NAALADL2: variants seen among roughly 807,000 people sequenced by gnomAD.
The protein encoded by NAALADL2 is inactive N-acetylated-alpha-linked acidic dipeptidase-like protein 2.
In NAALADL2, 76 loss-of-function variants were observed where a neutral mutation model predicts 87.2. The observed-to-expected ratio is 0.87, with a 90% CI of 0.72 to 1.05. NAALADL2 has a LOEUF of 1.05. Ranked by LOEUF, NAALADL2 falls within the 50% of genes least tolerant of loss-of-function variation. The pLI, the probability that NAALADL2 is intolerant of heterozygous loss-of-function variation, is 0.00. For synonymous variants in NAALADL2, 354 were observed against 331.0 expected, an observed-to-expected ratio of 1.07 and a Z score of -0.75; for missense variants, 1,089 against 945.8, an observed-to-expected ratio of 1.15 and a Z score of -1.99.
At chr3:175,462,185 A>C (rs1421872916) in intron 6 of NAALADL2, among the ~76,000 whole-genome samples, 2 of 152,116 alleles carry the variant, frequency 1.3e-5, no homozygotes, top group Non-Finnish European at 2.9e-5. Flanking sequence ...TGGGAGACAG[A>C]GGGTATTGGG....
At chr3:175,650,893 C>G (rs1730673842) in intron 11 of NAALADL2, among the ~76,000 whole-genome samples, 2 of 152,172 alleles carry the variant, frequency 1.3e-5, no homozygotes, top group Non-Finnish European at 2.9e-5. Flanking sequence ...TTGCACTCAG[C>G]AAATCTTGGA....
rs148938043 is a variant in NAALADL2 at position 174,650,430 on chromosome 3, A to G, written c.-114-87211A>G. ...CAACTAGTATGTTAAGATGTTATTG[A>G]AGGTAGTTTAACCCAGTATTTCCCT... On this transcript the variant is annotated intron_variant, in intron 2 of 3. Coordinates refer to the NAALADL2 transcript ENST00000434257. 2.4e-3 allele frequency among the ~76,000 whole-genome samples: 372 copies of G among 152,238 alleles called. 1 individual carries two copies. The highest frequency in any genetic ancestry group is 8.5e-3 in the African/African-American group (355 of 41,574).
In NAALADL2 at chr3:175,011,272, C is replaced by CAGAGAG. The variant is rs1408169414; in HGVS notation, c.44-85516_44-85511dup. 2.3e-3 allele frequency among the ~76,000 whole-genome samples: 258 copies of CAGAGAG among 110,336 alleles called. 3 individuals are homozygous for CAGAGAG. The highest frequency in any genetic ancestry group is 7.6e-3 in the African/African-American group (243 of 32,034). 72.4% of individuals were successfully genotyped at this position (110,336 alleles called of 152,430 possible). ...AGAGACAGAGAGAGAGGGAGAGAGACAGAGAGACAGAGAGAGAGAGAGAGA... is the reference window on the plus strand; with the variant it reads ...AGAGACAGAGAGAGAGGGAGAGAGACAGAGAGAGAGAGACAGAGAGAGAGAGAGAGA... On this transcript the variant is annotated intron_variant, in intron 1 of 13. Transcript: ENST00000454872.
intron 5 of NAALADL2, among the ~76,000 whole-genome samples, chr3:175,442,695 C>T (rs553996008): frequency 1.9e-4 from 29 of 152,258 alleles, no homozygotes; most frequent in Middle Eastern, 3.4e-3. Flanking sequence ...GAATTATTGA[C>T]GTAATGGGTC....
chr3:174,668,501 A>C (rs1322464771), intron 2 of NAALADL2, among the ~76,000 whole-genome samples: 1 of 152,120 alleles, frequency 6.6e-6, no homozygotes, highest in Non-Finnish European at 1.5e-5. Flanking sequence ...TACATGTGCC[A>C]TGTTGGTGTG....
chr3:174,827,017 G>C (rs892814853), intron 3 of NAALADL2, among the ~76,000 whole-genome samples: 2 of 152,124 alleles, frequency 1.3e-5, no homozygotes, highest in African/African-American at 4.8e-5. Flanking sequence ...TTCATGATAT[G>C]TTCATAGCCT....
chr3:174,835,033 T>G (rs1160884984), intron 3 of NAALADL2, among the ~76,000 whole-genome samples: 1 of 151,576 alleles, frequency 6.6e-6, no homozygotes. Context: ...AACTTACACT[T>G]TCTAATTTTA....
At chr3:175,163,679 T>C (rs551577747) in intron 2 of NAALADL2, among the ~76,000 whole-genome samples, 9 of 152,286 alleles carry the variant, frequency 5.9e-5, no homozygotes, top group African/African-American at 2.2e-4. Flanking sequence ...TAATATTTTT[T>C]CACTTCCTAT....
intron 2 of NAALADL2, among the ~76,000 whole-genome samples, chr3:175,213,904 A>C (rs1742124545): frequency 6.6e-6 from 1 of 152,052 alleles, no homozygotes; most frequent in African/African-American, 2.4e-5. Flanking sequence ...GGGATATCCC[A>C]TTTATTTACA....
chr3:175,264,491 C>T (rs1197379238), intron 4 of NAALADL2, among the ~76,000 whole-genome samples: 4 of 151,718 alleles, frequency 2.6e-5, no homozygotes, highest in African/African-American at 9.7e-5. Flanking sequence ...AAATCCATTA[C>T]AGACAAAGTA....
At chr3:174,898,397 AAATT>A (rs1333774380) in intron 1 of NAALADL2, among the ~76,000 whole-genome samples, 98 of 151,618 alleles carry the variant, frequency 6.5e-4, no homozygotes, top group African/African-American at 2.3e-3. Flanking sequence ...AATAATAAAT[AAATT>A]AATAATAAAT....
intron 1 of NAALADL2, among the ~76,000 whole-genome samples, chr3:175,041,641 T>C (rs932736863): frequency 2.0e-5 from 3 of 152,158 alleles, no homozygotes; most frequent in East Asian, 1.9e-4. Flanking sequence ...ACAATGACAC[T>C]GTAGCTTTGG....
At chr3:174,495,331 C>T (rs1274281057) in intron 1 of NAALADL2, among the ~76,000 whole-genome samples, 1 of 151,454 alleles carries the variant, frequency 6.6e-6, no homozygotes, top group Non-Finnish European at 1.5e-5. Context: ...ACAATTCTTC[C>T]TCATTTGGGA....
intron 2 of NAALADL2, among the ~76,000 whole-genome samples, chr3:174,553,244 TTA>T (rs1295069569): frequency 2.0e-5 from 3 of 152,178 alleles, no homozygotes; most frequent in Non-Finnish European, 4.4e-5. Flanking sequence ...ATGGCAAATG[TTA>T]TAATAATTAG....
chr3:175,287,225 A>G (rs1286964952), intron 4 of NAALADL2, among the ~76,000 whole-genome samples: 3 of 152,206 alleles, frequency 2.0e-5, no homozygotes, highest in Non-Finnish European at 2.9e-5. Flanking sequence ...AATTAATTCA[A>G]AGAAGCTTAA....
intron 5 of NAALADL2, among the ~76,000 whole-genome samples, chr3:175,417,117 G>A (rs199752904): frequency 5.3e-3 from 657 of 124,850 alleles, no homozygotes; most frequent in Non-Finnish European, 5.9e-3. Flanking sequence ...GAAGAGAAAA[G>A]AAAAAAAAAA....
intron 1 of NAALADL2, among the ~76,000 whole-genome samples, chr3:174,476,205 G>A (rs921304824): frequency 6.6e-6 from 1 of 150,864 alleles, no homozygotes; most frequent in African/African-American, 2.4e-5. Context: ...CTAAATATCT[G>A]TCCTTGTAAT....
chr3:175,099,900 C>T (rs1364423771), intron 2 of NAALADL2, among the ~76,000 whole-genome samples: 1 of 151,868 alleles, frequency 6.6e-6, no homozygotes, highest in East Asian at 1.9e-4. Flanking sequence ...GAAATGAATG[C>T]ATGAATAAAT....
intron 5 of NAALADL2, among the ~76,000 whole-genome samples, chr3:175,422,534 A>G (rs1395405675): frequency 6.6e-6 from 1 of 152,060 alleles, no homozygotes; most frequent in Admixed American, 6.6e-5. Flanking sequence ...ATAATTAAAA[A>G]CAAAATCCTC....
Sources: gnomAD v4.1 joint callset for allele counts (sites outside exome capture counted in the v4.1 genomes callset) on GRCh38, gnomAD v4.1.1 for gene constraint, MANE v1.5 for transcripts, NCBI Gene and HGNC (gene_info 2026-07-23, HGNC 2026-07-21) for gene names.